CCT5: variants seen among roughly 807,000 people sequenced by gnomAD.
The protein encoded by CCT5 is chaperonin containing TCP1 subunit 5.
CCT5 carries 6 observed loss-of-function variants against 55.0 expected under a neutral mutation model. The observed-to-expected ratio is 0.11, with a 90% CI of 0.06 to 0.22. The LOEUF (loss-of-function observed/expected upper bound fraction) is 0.22, where lower values mean the gene tolerates loss of function less well. Ranked by LOEUF, CCT5 falls within the 10% of genes least tolerant of loss-of-function variation. CCT5 has a pLI of 1.00. For synonymous variants in CCT5, 231 were observed against 243.7 expected, an observed-to-expected ratio of 0.95 and a Z score of 0.49; for missense variants, 560 against 694.6, an observed-to-expected ratio of 0.81 and a Z score of 2.18.
Position 10,266,351 on chromosome 5 carries a change from T to A in CCT5, c.*1568T>A, listed in dbSNP as rs1746234423. Reference sequence around the variant, plus strand: ...TAGAGATGTTTCACAAGCCTTTGATTTTTGTTTCATTTATTTGTAATAAAC... The same window carrying A: ...TAGAGATGTTTCACAAGCCTTTGATATTTGTTTCATTTATTTGTAATAAAC... On this transcript the variant is annotated 3_prime_UTR_variant, in exon 11 of 11. Coordinates refer to ENST00000280326, the MANE Select transcript of CCT5 (RefSeq NM_012073.5). 6.6e-6 allele frequency: 1 copy of A among 152,218 alleles called. No homozygotes were observed. The highest frequency in any genetic ancestry group is 1.5e-5 in the Non-Finnish European group (1 of 68,048). 9.4% of individuals were successfully genotyped at this position (152,218 alleles called of 1,614,324 possible).
At position 10,264,688 on chromosome 5, in the gene CCT5, A is replaced by C. The variant is rs1371795977; in HGVS notation, c.1531A>C (p.Ile511Leu). ...GCAACAGCATGTCATAGAAACCTTG[A>C]TTGGCAAAAAGCAACAGATATCTCT... ...MKQQHVIETL[I>L]GKKQQISLAT... is the part of the protein sequence containing the mutation. The change falls in exon 11 of 11, where the codon ATT becomes CTT. Residue 511 changes from isoleucine (I) to leucine (L), a missense_variant. Coordinates refer to ENST00000280326, the MANE Select transcript of CCT5 (RefSeq NM_012073.5). 1 of 1,613,888 alleles carries C rather than the reference A, an allele frequency of 6.2e-7. No individual in the cohort carries two copies. Among genetic ancestry groups the C allele is most frequent in the East Asian group, 2.2e-5 (1 of 44,844 alleles).
At chr5:10,250,039 A>C, upstream of CCT5, 9 of 1,542,570 alleles carry the variant, frequency 5.8e-6, no homozygotes, top group Non-Finnish European at 7.8e-6. Flanking sequence ...TCGAGAAACT[A>C]TCAGTGGTAA....
chr5:10,250,235 T>C (rs1579441791), upstream of CCT5: 3 of 1,578,918 alleles, frequency 1.9e-6, no homozygotes, highest in Non-Finnish European at 2.6e-6. Flanking sequence ...GCGCGTCTTG[T>C]GCTGCGCGTG....
intron 2 of CCT5, 143 bp downstream of exon 2, chr5:10,254,348 G>T (rs564640942): frequency 1.5e-5 from 10 of 686,002 alleles, no homozygotes; most frequent in South Asian, 1.5e-4. Context: ...TGTATTTCAG[G>T]TTTCTTAAAC....
At chr5:10,263,445 C>T (rs900593830) in intron 10 of CCT5, 131 bp downstream of exon 10, 1 of 823,852 alleles carries the variant, frequency 1.2e-6, no homozygotes, top group African/African-American at 1.7e-5. Context: ...TGTTCAAGTC[C>T]TGAATTTTAG....
At chr5:10,250,743 C>A (rs1270565538) in intron 1 of CCT5, 1 of 1,239,560 alleles carries the variant, frequency 8.1e-7, no homozygotes. Flanking sequence ...CCTCCCCGCC[C>A]GGCTCCTCCA....
At chr5:10,255,459 T>C (rs1485408304) in intron 3 of CCT5, among the ~76,000 whole-genome samples, 1 of 152,048 alleles carries the variant, frequency 6.6e-6, no homozygotes, top group African/African-American at 2.4e-5. Context: ...TTGAATTCAT[T>C]CAACAAATAT....
intron 1 of CCT5, chr5:10,250,728 G>A (rs948463514): frequency 1.6e-6 from 2 of 1,270,218 alleles, no homozygotes; most frequent in African/African-American, 1.6e-5. Flanking sequence ...AGCAAAGCGG[G>A]ACCGCCTCCC....
chr5:10,264,923 C>A lies in CCT5; in HGVS notation c.*140C>A. On this transcript the variant is annotated 3_prime_UTR_variant, in exon 11 of 11. Coordinates refer to ENST00000280326, the MANE Select transcript of CCT5 (RefSeq NM_012073.5). Reference sequence around the variant, plus strand: ...ATAATAAAAATAGCTGTTTGGTAACCATAGTTTCACTTGTTCAAAGCTGTG... The same window carrying A: ...ATAATAAAAATAGCTGTTTGGTAACAATAGTTTCACTTGTTCAAAGCTGTG... 9.1e-7 allele frequency: 1 copy of A among 1,097,708 alleles called. No individual in the cohort carries two copies. Among genetic ancestry groups the A allele is most frequent in the Non-Finnish European group, 1.3e-6 (1 of 752,122 alleles). 68.0% of individuals were successfully genotyped at this position (1,097,708 alleles called of 1,614,324 possible). A position where few individuals can be genotyped will look rare whatever the true frequency, so the allele number is the denominator to read the frequency against.
In CCT5 at chr5:10,258,037, A is replaced by T. The variant is rs185547183; in HGVS notation, c.531-74A>T. Reference sequence around the variant, plus strand: ...CGTTTGATTTATATCTTTGAGTAACATTGTGTTATGTGGCCTGCTTTGGTT... The same window carrying T: ...CGTTTGATTTATATCTTTGAGTAACTTTGTGTTATGTGGCCTGCTTTGGTT... On this transcript the variant is annotated intron_variant, in intron 4 of 10. Transcript: ENST00000280326. 2.1e-6 allele frequency: 3 copies of T among 1,426,618 alleles called. No homozygotes were observed. In the African/African-American group the frequency reaches 4.2e-5, roughly 20 times the overall value. The allele number at this position is 1,426,618 out of a possible 1,614,324, so 88.4% of individuals were successfully genotyped here. A position where few individuals can be genotyped will look rare whatever the true frequency, so the allele number is the denominator to read the frequency against.
At chr5:10,250,947 G>C in intron 1 of CCT5, 3 of 859,358 alleles carry the variant, frequency 3.5e-6, no homozygotes, top group Non-Finnish European at 4.2e-6. Flanking sequence ...GCCCACCCTT[G>C]AGGAAAAATA....
chr5:10,264,631 T>A (rs1275524100), intron 10 of CCT5, 25 bp from the exon 11 acceptor site: 2 of 1,444,204 alleles, frequency 1.4e-6, no homozygotes, highest in Non-Finnish European at 2.0e-6. Context: ...TATTTTAGGA[T>A]AATCAGTGTC....
In CCT5 at chr5:10,254,715, G is replaced by A; in HGVS notation, c.208G>A (p.Val70Ile). Residue 70 changes from valine (V) to isoleucine (I), a missense_variant, in exon 3 of 11, where the codon GTA becomes ATA. Transcript: ENST00000280326. ...GGTGGATAAGGATGGAGATGTGACT[G>A]TAACTAATGATGGGGCCACCATCTT... ...MMVDKDGDVTVTNDGATILSM... is the reference protein window; with the variant it reads ...MMVDKDGDVTITNDGATILSM... The A allele has an allele frequency of 6.2e-7, 1 of 1,613,588 alleles. No individual in the cohort carries two copies. Among genetic ancestry groups the A allele is most frequent in the Non-Finnish European group, 8.5e-7 (1 of 1,179,548 alleles).
intron 1 of CCT5, among the ~76,000 whole-genome samples, chr5:10,251,592 T>C (rs1372365570): frequency 1.3e-5 from 2 of 152,194 alleles, no homozygotes; most frequent in African/African-American, 4.8e-5. Flanking sequence ...ACTCTTTGTT[T>C]GACTTAGTGC....
chr5:10,256,113 C>T lies in CCT5; in HGVS notation c.490C>T (p.Pro164Ser), dbSNP rs1391060196. Residue 164 changes from proline (P) to serine (S), a missense_variant, in exon 4 of 11, where the codon CCC becomes TCC. Pro to Ser is a moderately conservative substitution (Grantham distance 74). This residue lies in a region of CCT5 where 52 missense variants were observed against 35.3 expected (regional missense o/e 1.47). Coordinates refer to ENST00000280326, the MANE Select transcript of CCT5 (RefSeq NM_012073.5). ...SVLVDIKDTE[P>S]LIQTAKTTLG... The stretch of plus-strand genomic sequence containing the variant: ...CCTTGTTGACATAAAGGACACCGAA[C>T]CCCTGATTCAGACAGCAAAAACCAC... The T allele has an allele frequency of 1.9e-6, 3 of 1,613,884 alleles. No homozygotes were observed. The highest frequency in any genetic ancestry group is 2.5e-6 in the Non-Finnish European group (3 of 1,179,858).
chr5:10,250,347 T>C lies in CCT5; in HGVS notation c.7T>C (p.Ser3Pro), dbSNP rs751068629. The change falls in exon 1 of 11, where the codon TCC (serine) becomes CCC (proline). Residue 3 changes from serine to proline, a missense_variant. Coordinates refer to ENST00000280326, the MANE Select transcript of CCT5 (RefSeq NM_012073.5). Reference sequence around the variant, plus strand: ...TAATTCCGGTTGTTGCACCATGGCGTCCATGGGGACCCTCGCCTTCGATGA... The same window carrying C: ...TAATTCCGGTTGTTGCACCATGGCGCCCATGGGGACCCTCGCCTTCGATGA... MA[S>P]MGTLAFDEYG... 5 of 1,614,032 alleles carry C rather than the reference T, an allele frequency of 3.1e-6. No homozygotes were observed. Among genetic ancestry groups the C allele is most frequent in the Non-Finnish European group, 4.2e-6 (5 of 1,180,014 alleles).
chr5:10,257,990 C>G (rs1269721852), intron 4 of CCT5, 121 bp from the exon 5 acceptor site: 2 of 1,025,524 alleles, frequency 2.0e-6, no homozygotes, highest in East Asian at 5.2e-5. Context: ...GATGGCATTC[C>G]CCTCTAGAAG....
chr5:10,257,333 T>G (rs1745732902), intron 4 of CCT5, among the ~76,000 whole-genome samples: 1 of 152,242 alleles, frequency 6.6e-6, no homozygotes, highest in South Asian at 2.1e-4. Flanking sequence ...AGTATAACAC[T>G]TATTTTCTCA....
At chr5:10,261,827 GAC>G (rs773610039) in intron 8 of CCT5, 82 bp downstream of exon 8, 4 of 1,047,664 alleles carry the variant, frequency 3.8e-6, no homozygotes, top group East Asian at 2.4e-5. Context: ...ATTTAACAGA[GAC>G]ACAGTCACCA....
Sources: allele counts gnomAD v4.1 joint callset (sites outside exome capture counted in the v4.1 genomes callset), GRCh38; gene constraint gnomAD v4.1.1; regional missense constraint gnomAD v4.1.1; transcripts MANE v1.5; gene names NCBI Gene and HGNC (gene_info 2026-07-23, HGNC 2026-07-21).